Variants in NEB observed in about 807,000 individuals in gnomAD.
NEB encodes the protein nemaline myopathy type 2.
NEB carries 512 observed loss-of-function variants against 952.2 expected under a neutral mutation model. The observed-to-expected ratio is 0.54, with a 90% confidence interval of 0.50 to 0.58. The LOEUF (loss-of-function observed/expected upper bound fraction) is 0.58, where lower values mean the gene tolerates loss of function less well. NEB is among the 20% of genes least tolerant of loss of function. The pLI is 0.00. For missense variants in NEB, 8,428 were observed against 9,231.1 expected (o/e 0.91, Z 3.56); for synonymous variants, 2,900 against 3,149.8 (o/e 0.92, Z 2.66).
chr2:151,618,096 T>G (rs571332376), intron 74 of NEB, among the ~76,000 whole-genome samples, 179 bp downstream of exon 74: 1 of 152,306 alleles, frequency 6.6e-6, no homozygotes, highest in Admixed American at 6.5e-5. Flanking sequence ...CACACAGTAC[T>G]TTTAACAATG....
chr2:151,705,909 G>A (rs962449113), intron 13 of NEB, among the ~76,000 whole-genome samples: 3 of 152,166 alleles, frequency 2.0e-5, no homozygotes, highest in African/African-American at 7.2e-5. Context: ...AATGGACTTT[G>A]GGGACTTGAG....
chr2:151,684,198 G>T (rs2099465679), intron 28 of NEB, among the ~76,000 whole-genome samples: 1 of 152,136 alleles, frequency 6.6e-6, no homozygotes, highest in Non-Finnish European at 1.5e-5. Flanking sequence ...AATTGCAAAG[G>T]TGGTAAATTT....
chr2:151,668,887 T>C (rs750302574), intron 39 of NEB, 140 bp downstream of exon 39: 3 of 580,916 alleles, frequency 5.2e-6, no homozygotes, highest in Non-Finnish European at 8.8e-6. Context: ...CCTAGGCTCA[T>C]GTTGCATGGT....
rs1370584481 is a variant in NEB, at chr2:151,702,040, C to T, written c.1153-4392G>A. ...TCCCCTCTACACACTGCTTTGAATG[C>T]GTCCCAGAGATTCTGGTATGTTGTG... On this transcript the variant is annotated intron_variant, in intron 13 of 181. Transcript: ENST00000397345. Among the ~76,000 whole-genome samples the T allele has an allele frequency of 1.6e-3, 234 of 149,000 alleles. 1 individual carries two copies. The highest frequency in any genetic ancestry group is 5.6e-3 in the African/African-American group (224 of 40,306).
Position 151,692,378 on chromosome 2 carries a change from T to G in NEB, c.1897-16A>C. 6.5e-7 allele frequency: 1 copy of G among 1,543,714 alleles called. No homozygotes were observed. The highest frequency in any genetic ancestry group is 8.9e-7 in the Non-Finnish European group (1 of 1,121,134). ...TGTATAATCTCTGTTAAAGGAAAAA[T>G]AAATTAAACCAAAAAGAAAGAAATA... On this transcript the variant is annotated splice_polypyrimidine_tract_variant and intron_variant, in intron 20 of 181. Transcript: ENST00000397345.
In NEB at chr2:151,492,116, C is replaced by G. The variant is rs779976092; in HGVS notation, c.25039G>C (p.Asp8347His). The G allele has an allele frequency of 2.5e-6, 4 of 1,613,958 alleles. No homozygotes were observed. In the East Asian group the frequency reaches 8.9e-5, roughly 36 times the overall value. Residue 8347 changes from aspartate to histidine, a missense_variant, in exon 178 of 182, where the codon GAT (aspartate) becomes CAT (histidine). Asp to His is a moderately conservative substitution (Grantham distance 81). Coordinates refer to ENST00000397345, the MANE Select transcript of NEB (RefSeq NM_001164508.2). ...CAGTTACCTGTAATAGTCTCCTGAT[C>G]TTGGTCATTCCGTTTTTGTTCCATT... is the stretch of plus-strand genomic sequence containing the variant. ...VEMEQKRNDQ[D>H]QETITGLRVW...
chr2:151,667,932 T>C (rs915489392), intron 39 of NEB, 21 bp from the exon 40 acceptor site: 10 of 1,576,466 alleles, frequency 6.3e-6, no homozygotes, highest in Non-Finnish European at 8.7e-6. Context: ...GTAGAGGTTA[T>C]TTTATTATTT....
At position 151,570,200 on chromosome 2, in the gene NEB, T is replaced by C. The variant is rs1414039824; in HGVS notation, c.17311A>G (p.Lys5771Glu). The C allele has an allele frequency of 1.9e-6, 3 of 1,613,654 alleles. No homozygotes were observed. Among genetic ancestry groups the C allele is most frequent in the Non-Finnish European group, 2.5e-6 (3 of 1,179,818 alleles). ...PVDMLSILHS[K>E]NSQALVSDMD... ...TCACTGACCAGAGCCTGGGAATTTT[T>C]AGAGTGCAGGATGGAAAGCATGTCC... is the stretch of plus-strand genomic sequence containing the variant. Residue 5771 changes from lysine (K) to glutamate (E), a missense_variant, in exon 109 of 182, where the codon AAA becomes GAA. This residue lies in a region of NEB where 3,374 missense variants were observed against 3,651.5 expected (regional missense o/e 0.92). Coordinates refer to ENST00000397345, the MANE Select transcript of NEB (RefSeq NM_001164508.2).
At chr2:151,629,318 A>G (rs2098606620) in intron 68 of NEB, among the ~76,000 whole-genome samples, 1 of 152,214 alleles carries the variant, frequency 6.6e-6, no homozygotes, top group South Asian at 2.1e-4. Context: ...GCATTGAAGT[A>G]TACTGGTTTA....
chr2:151,672,835 CAT>C (rs1338573189), intron 36 of NEB, among the ~76,000 whole-genome samples, 155 bp from the exon 37 acceptor site: 2 of 152,136 alleles, frequency 1.3e-5, no homozygotes, highest in Non-Finnish European at 2.9e-5. Flanking sequence ...TCAGTGAAAA[CAT>C]ATATTGGAGT....
chr2:151,708,646 T>C (rs1199368110), intron 12 of NEB, among the ~76,000 whole-genome samples: 1 of 152,166 alleles, frequency 6.6e-6, no homozygotes, highest in African/African-American at 2.4e-5. Flanking sequence ...TATACAACTT[T>C]CCATATATCT....
chr2:151,681,214 T>C (rs1294244315), intron 29 of NEB, among the ~76,000 whole-genome samples: 1 of 152,196 alleles, frequency 6.6e-6, no homozygotes, highest in Non-Finnish European at 1.5e-5. Flanking sequence ...ACAAACAAGT[T>C]CTCTTTTTCC....
intron 176 of NEB, 85 bp downstream of exon 176, chr2:151,493,268 G>A (rs2057967276): frequency 9.5e-7 from 1 of 1,048,154 alleles, no homozygotes; most frequent in Non-Finnish European, 1.4e-6. Context: ...GTGTTTTTCA[G>A]TTGAATGAGA....
At chr2:151,502,731 A>T in intron 167 of NEB, 62 bp downstream of exon 167, 1 of 876,760 alleles carries the variant, frequency 1.1e-6, no homozygotes, top group Non-Finnish European at 1.8e-6. Flanking sequence ...TTACATTTGT[A>T]AGGTGTTATT....
chr2:151,645,677 G>A (rs1045614051), intron 55 of NEB, among the ~76,000 whole-genome samples: 1 of 152,140 alleles, frequency 6.6e-6, no homozygotes. Flanking sequence ...ATTTTCAGAT[G>A]TATACATTTC....
Position 151,540,871 on chromosome 2 carries a change from T to G in NEB, c.20683-70A>C. The G allele has an allele frequency of 3.8e-6, 5 of 1,302,822 alleles. No homozygotes were observed. In the South Asian group the frequency reaches 6.0e-5, roughly 16 times the overall value. 80.7% of individuals were successfully genotyped at this position (1,302,822 alleles called of 1,614,324 possible). Reference sequence around the variant, plus strand: ...AGTATTTAGCATTCAGTCCACTTCATTCATTTCTAACCATTCAGTGGGAAG... The same window carrying G: ...AGTATTTAGCATTCAGTCCACTTCAGTCATTTCTAACCATTCAGTGGGAAG... On this transcript the variant is annotated intron_variant, in intron 136 of 181. Transcript: ENST00000397345.
intron 110 of NEB, among the ~76,000 whole-genome samples, 171 bp downstream of exon 110, chr2:151,569,097 G>T (rs1186939907): frequency 6.6e-6 from 1 of 152,120 alleles, no homozygotes; most frequent in Non-Finnish European, 1.5e-5. Flanking sequence ...TTATGGATGT[G>T]GTCCCATAAT....
Position 151,722,375 on chromosome 2 carries a change from CT to C in NEB, c.717+1006del, listed in dbSNP as rs1317700708. 2.0e-5 allele frequency among the ~76,000 whole-genome samples: 3 copies of C among 152,146 alleles called. No homozygotes were observed. The East Asian group carries it at 5.8e-4, about 29-fold the overall frequency. On this transcript the variant is annotated intron_variant, in intron 9 of 181. Coordinates refer to ENST00000397345, the MANE Select transcript of NEB (RefSeq NM_001164508.2). ...TTCAAGCCTAAGGACTCTGTTAAGC[CT>C]TTTAAGTTCCTCTAACATACAGTTT...
chr2:151,576,510 ATATATATTTTTTTTTTTTTTTTT>A (rs1293468827), intron 105 of NEB, among the ~76,000 whole-genome samples, 156 bp from the exon 106 acceptor site: 909 of 31,078 alleles, frequency 0.029, 2 homozygotes, highest in Non-Finnish European at 0.038. Context: ...ATATATATAT[ATATATATTTTTTTTTTTTTTTTT>A]TTTTTTTTTT....
Sources: allele counts gnomAD v4.1 joint callset (sites outside exome capture counted in the v4.1 genomes callset), GRCh38; gene constraint gnomAD v4.1.1; regional missense constraint gnomAD v4.1.1; transcripts MANE v1.5; gene names NCBI Gene and HGNC (gene_info 2026-07-23, HGNC 2026-07-21).